CNTN6: variants seen among roughly 807,000 people sequenced by gnomAD.
The protein encoded by CNTN6 is contactin-6.
CNTN6 carries 137 observed loss-of-function variants against 122.8 expected under a neutral mutation model. The ratio of observed to expected loss-of-function variants is 1.12; its 90% confidence interval spans 0.97 to 1.29. The LOEUF (loss-of-function observed/expected upper bound fraction) is 1.29, where lower values mean the gene tolerates loss of function less well. CNTN6 is among the 50% of genes most tolerant of loss of function. The pLI is 0.00. For synonymous variants in CNTN6, 570 were observed against 426.0 expected (o/e 1.34, Z -4.16); for missense variants, 1,634 against 1,223.4 (o/e 1.34, Z -5.01).
chr3:1,392,782 T>C (rs1308434503), intron 20 of CNTN6, among the ~76,000 whole-genome samples: 1 of 140,804 alleles, frequency 7.1e-6, no homozygotes, highest in Non-Finnish European at 1.6e-5. Flanking sequence ...AAGACATTTA[T>C]GCAGCCAAAA....
intron 4 of CNTN6, among the ~76,000 whole-genome samples, chr3:1,273,717 C>T (rs775387767): frequency 6.6e-6 from 1 of 152,192 alleles, no homozygotes; most frequent in African/African-American, 2.4e-5. Context: ...TGATAGCTAA[C>T]AGGACTTGTG....
chr3:1,401,469 T>A lies in CNTN6; in HGVS notation c.2741T>A (p.Leu914Gln). The A allele has an allele frequency of 6.2e-7, 1 of 1,612,170 alleles. No individual in the cohort carries two copies. Among genetic ancestry groups the A allele is most frequent in the Non-Finnish European group, 8.5e-7 (1 of 1,178,692 alleles). ...CCACCAGCAAACATTGCCTGGAAGC[T>A]GACAAACTCTAAATTATGCTTGAAC... Reference protein sequence around the residue: ...SQPPANIAWKLTNSKLCLNWE... With the variant: ...SQPPANIAWKQTNSKLCLNWE... The change falls in exon 21 of 23, where the codon CTG becomes CAG. Residue 914 changes from leucine to glutamine, a missense_variant. Coordinates refer to ENST00000446702, the MANE Select transcript of CNTN6 (RefSeq NM_001289080.2).
intron 4 of CNTN6, among the ~76,000 whole-genome samples, chr3:1,272,240 A>G (rs185134939): frequency 6.6e-6 from 1 of 152,316 alleles, no homozygotes; most frequent in African/African-American, 2.4e-5. Context: ...TCATAGCAGT[A>G]TGAAAATTGA....
At chr3:1,379,117 G>T (rs1213422829) in intron 17 of CNTN6, among the ~76,000 whole-genome samples, 2 of 152,066 alleles carry the variant, frequency 1.3e-5, no homozygotes, top group Non-Finnish European at 2.9e-5. Flanking sequence ...GCAATTGCTT[G>T]TACACAGTCT....
intron 7 of CNTN6, among the ~76,000 whole-genome samples, chr3:1,313,033 G>A (rs1215089963): frequency 2.5e-5 from 2 of 80,448 alleles, no homozygotes; most frequent in Non-Finnish European, 4.0e-5. Flanking sequence ...TGCCATTTCA[G>A]TCTCTTTACT....
chr3:1,176,284 G>C (rs2093446536), intron 2 of CNTN6, among the ~76,000 whole-genome samples: 1 of 152,174 alleles, frequency 6.6e-6, no homozygotes, highest in Non-Finnish European at 1.5e-5. Context: ...GGATATGGTG[G>C]TGAATGCCTG....
Position 1,373,409 on chromosome 3 carries a change from A to T in CNTN6, c.1787-195A>T, listed in dbSNP as rs184538081. Among the ~76,000 whole-genome samples the T allele has an allele frequency of 4.1e-3, 626 of 152,232 alleles. 1 individual carries two copies. The highest frequency in any genetic ancestry group is 8.1e-3 in the Admixed American group (124 of 15,260). ...ATGCCTGATATTTTCTAATCTCCAG[A>T]GGAAGCACTACTACATTAATGTCAT... On this transcript the variant is annotated intron_variant, in intron 14 of 22. Coordinates refer to ENST00000446702, the MANE Select transcript of CNTN6 (RefSeq NM_001289080.2).
intron 1 of CNTN6, among the ~76,000 whole-genome samples, chr3:1,111,726 A>AT (rs2091489164): frequency 6.6e-6 from 1 of 152,152 alleles, no homozygotes; most frequent in African/African-American, 2.4e-5. Flanking sequence ...TCATATATTT[A>AT]TTAAAGCTGG....
chr3:1,394,086 G>T, intron 20 of CNTN6: 1 of 161,408 alleles, frequency 6.2e-6, no homozygotes, highest in South Asian at 1.5e-4. Context: ...TGGAGGAGAG[G>T]GGGCCTAGAT....
intron 7 of CNTN6, among the ~76,000 whole-genome samples, chr3:1,300,157 T>G (rs1696953491): frequency 6.6e-6 from 1 of 151,998 alleles, no homozygotes; most frequent in South Asian, 2.1e-4. Context: ...TAATTTTTTT[T>G]TGGTATTTTT....
At chr3:1,264,005 G>C (rs570999697) in intron 4 of CNTN6, among the ~76,000 whole-genome samples, 1 of 151,914 alleles carries the variant, frequency 6.6e-6, no homozygotes, top group East Asian at 2.0e-4. Context: ...AGGGCCATCG[G>C]GGGAAGAAAC....
intron 2 of CNTN6, among the ~76,000 whole-genome samples, chr3:1,165,813 C>T (rs780330842): frequency 2.6e-5 from 4 of 152,146 alleles, no homozygotes; most frequent in South Asian, 2.1e-4. Context: ...TATTTTAGCA[C>T]GGACTGAATT....
At chr3:1,104,443 A>T (rs865839678) in intron 1 of CNTN6, among the ~76,000 whole-genome samples, 4 of 152,222 alleles carry the variant, frequency 2.6e-5, no homozygotes, top group Middle Eastern at 3.4e-3. Context: ...CTAATCACAG[A>T]CCCAACTCTT....
chr3:1,377,050 G>A lies in CNTN6; in HGVS notation c.2141G>A (p.Arg714Gln), dbSNP rs745599517. ...PVNIHGGGGS[R>Q]SELVITWESI... ...AACATCCATGGAGGTGGAGGAAGTC[G>A]GTCTGAACTCGTCATTACGTGGGAG... The change falls in exon 17 of 23, where the codon CGG (arginine) becomes CAG (glutamine). Residue 714 changes from arginine (R) to glutamine (Q), a missense_variant. By Grantham distance (43) the Arg-to-Gln change is conservative. Coordinates refer to ENST00000446702, the MANE Select transcript of CNTN6 (RefSeq NM_001289080.2). 8.6e-5 allele frequency: 138 copies of A among 1,600,956 alleles called. No individual in the cohort carries two copies. The highest frequency in any genetic ancestry group is 1.0e-4 in the Non-Finnish European group (117 of 1,173,092).
chr3:1,319,789 C>G (rs1331052316), intron 7 of CNTN6, among the ~76,000 whole-genome samples: 1 of 147,158 alleles, frequency 6.8e-6, no homozygotes, highest in Non-Finnish European at 1.5e-5. Flanking sequence ...GTAATGCATG[C>G]TCATTGCAGG....
At chr3:1,242,241 A>G (rs570765625) in intron 4 of CNTN6, among the ~76,000 whole-genome samples, 3,328 of 152,210 alleles carry the variant, frequency 0.022, 112 homozygotes, top group African/African-American at 0.077. Flanking sequence ...AGTGAAAGCA[A>G]AGAGAGGCTG....
intron 12 of CNTN6, among the ~76,000 whole-genome samples, chr3:1,360,093 C>T (rs1297692254): frequency 1.3e-5 from 2 of 152,006 alleles, no homozygotes; most frequent in Non-Finnish European, 2.9e-5. Context: ...AAGAGATATA[C>T]AATTTTTTTA....
rs138853561 is a variant in CNTN6 at position 1,208,133 on chromosome 3, C to T, written c.56-12554C>T. The stretch of plus-strand genomic sequence containing the variant: ...CTCCTTGATCTGTGGTTTCTCTTTC[C>T]CTATCCTTCCTCCCGTGAGTCATGG... On this transcript the variant is annotated intron_variant, in intron 2 of 22. Transcript: ENST00000446702. Among the ~76,000 whole-genome samples, 541 of 152,114 alleles carry T rather than the reference C, an allele frequency of 3.6e-3. 5 individuals are homozygous for T. Among genetic ancestry groups the T allele is most frequent in the African/African-American group, 0.012 (501 of 41,526 alleles).
chr3:1,371,633 A>G (rs1437329914), intron 12 of CNTN6, among the ~76,000 whole-genome samples: 1 of 152,266 alleles, frequency 6.6e-6, no homozygotes, highest in East Asian at 1.9e-4. Context: ...ATTTTGGTCA[A>G]TGAAATGCTA....
Sources: allele counts gnomAD v4.1 joint callset (sites outside exome capture counted in the v4.1 genomes callset), GRCh38; gene constraint gnomAD v4.1.1; transcripts MANE v1.5; gene names NCBI Gene and HGNC (gene_info 2026-07-23, HGNC 2026-07-21).